The following PSMG2 variants were observed in gnomAD, a reference collection of about 807,000 sequenced individuals.
The protein encoded by PSMG2 is CD40 ligand-activated specific transcript 3.
Under a neutral mutation model 31.5 loss-of-function variants are expected in PSMG2, and 21 were observed. That is an observed-to-expected ratio of 0.67 (90% CI 0.47 to 0.96). The LOEUF is 0.96. Ranked by LOEUF, PSMG2 falls within the 40% of genes least tolerant of loss-of-function variation. The pLI is 0.00. For missense variants in PSMG2, 318 were observed against 321.2 expected (o/e 0.99, Z 0.08); for synonymous variants, 120 against 110.4 (o/e 1.09, Z -0.54).
intron 1 of PSMG2, chr18:12,664,954 C>T (rs2038775007): frequency 6.6e-6 from 1 of 152,184 alleles, no homozygotes; most frequent in Non-Finnish European, 1.5e-5. Flanking sequence ...CCACCTCAGC[C>T]TCCCAGAGTG....
chr18:12,707,464 T>G (rs560128150), intron 2 of PSMG2, among the ~76,000 whole-genome samples: 3 of 151,614 alleles, frequency 2.0e-5, no homozygotes, highest in Admixed American at 6.6e-5. Flanking sequence ...CGTAGTCATC[T>G]TCTTCCATTA....
chr18:12,699,326 AAG>A (rs1352162270), upstream of PSMG2: 20 of 652,962 alleles, frequency 3.1e-5, no homozygotes, highest in African/African-American at 5.5e-5. Flanking sequence ...AAAAAAGCAA[AAG>A]AGTAACAAAT....
chr18:12,719,486 C>T lies in PSMG2; in HGVS notation c.407+851C>T, dbSNP rs150170072. Reference sequence around the variant, plus strand: ...CACTGCAACCTCCACCTCCTGGATTCAAGCGATTCTCCTGCCTCAGCCTCC... The same window carrying T: ...CACTGCAACCTCCACCTCCTGGATTTAAGCGATTCTCCTGCCTCAGCCTCC... On this transcript the variant is annotated intron_variant, in intron 4 of 6. Coordinates refer to ENST00000317615, the MANE Select transcript of PSMG2 (RefSeq NM_020232.5). 9.1e-3 allele frequency among the ~76,000 whole-genome samples: 1,385 copies of T among 151,754 alleles called. 30 individuals carry two copies. Among genetic ancestry groups the T allele is most frequent in the African/African-American group, 0.031 (1,279 of 41,342 alleles).
intron 1 of PSMG2, among the ~76,000 whole-genome samples, chr18:12,694,734 T>TG (rs35560139): frequency 0.088 from 13,393 of 151,464 alleles, 827 homozygotes; most frequent in Non-Finnish European, 0.13. Flanking sequence ...TTTTTTGAGA[T>TG]GGAGTCTTGC....
chr18:12,715,515 T>C (rs2040368195), intron 3 of PSMG2, among the ~76,000 whole-genome samples: 1 of 152,048 alleles, frequency 6.6e-6, no homozygotes, highest in Non-Finnish European at 1.5e-5. Flanking sequence ...ATTTTAACTT[T>C]TCTTTTTGAG....
At chr18:12,675,939 G>C (rs1433486626) in intron 1 of PSMG2, among the ~76,000 whole-genome samples, 1 of 152,020 alleles carries the variant, frequency 6.6e-6, no homozygotes, top group Non-Finnish European at 1.5e-5. Flanking sequence ...AAAGTGCTGG[G>C]ATTACAGGCA....
At chr18:12,704,259 G>A (rs2040236782) in intron 1 of PSMG2, among the ~76,000 whole-genome samples, 1 of 152,126 alleles carries the variant, frequency 6.6e-6, no homozygotes, top group South Asian at 2.1e-4. Flanking sequence ...TAGAAAACAA[G>A]TTAAAGATTT....
At chr18:12,673,568 A>G (rs957005197) in intron 1 of PSMG2, 1 of 1,303,626 alleles carries the variant, frequency 7.7e-7, no homozygotes, top group Non-Finnish European at 1.1e-6. Flanking sequence ...CTTATTTGCA[A>G]GTAAATCAGT....
chr18:12,674,451 A>C, intron 1 of PSMG2: 1 of 1,026,968 alleles, frequency 9.7e-7, no homozygotes, highest in Non-Finnish European at 1.4e-6. Context: ...TAAAAAAAAA[A>C]AAAAAAGGAA....
At chr18:12,708,547 A>G (rs1246710282) in intron 2 of PSMG2, among the ~76,000 whole-genome samples, 1 of 148,896 alleles carries the variant, frequency 6.7e-6, no homozygotes, top group African/African-American at 2.5e-5. Context: ...TATTTTTAGT[A>G]GAGACGGAGT....
chr18:12,699,101 C>T (rs199598581), upstream of PSMG2: 130 of 1,613,912 alleles, frequency 8.1e-5, no homozygotes, highest in South Asian at 4.3e-4. Flanking sequence ...AAACGTTGAA[C>T]AAACTTGTCC....
At chr18:12,660,359 G>A (rs2038671606) in intron 1 of PSMG2, among the ~76,000 whole-genome samples, 2 of 145,494 alleles carry the variant, frequency 1.4e-5, no homozygotes, top group African/African-American at 5.1e-5. Flanking sequence ...GTCTCACCCT[G>A]TCTCCCAGGC....
chr18:12,675,248 G>C (rs897967237), intron 1 of PSMG2, among the ~76,000 whole-genome samples: 1 of 151,918 alleles, frequency 6.6e-6, no homozygotes, highest in African/African-American at 2.4e-5. Context: ...TACAAAAAAT[G>C]AGTTGGGCGT....
intron 1 of PSMG2, among the ~76,000 whole-genome samples, chr18:12,666,464 G>C (rs2038805793): frequency 7.6e-6 from 1 of 131,406 alleles, no homozygotes; most frequent in Non-Finnish European, 1.6e-5. Flanking sequence ...TTGTGAGGTA[G>C]GGTCTCCCTC....
intron 2 of PSMG2, among the ~76,000 whole-genome samples, chr18:12,708,846 C>T (rs1353263908): frequency 6.8e-6 from 1 of 147,790 alleles, no homozygotes; most frequent in Non-Finnish European, 1.5e-5. Flanking sequence ...GCTGGGATTA[C>T]AGGTGCCCAC....
Position 12,707,048 on chromosome 18 carries a change from C to T in PSMG2, c.229+327C>T, listed in dbSNP as rs183548305. Among the ~76,000 whole-genome samples the T allele has an allele frequency of 3.3e-5, 5 of 152,238 alleles. No individual in the cohort carries two copies. In the East Asian group the frequency reaches 7.7e-4, roughly 24 times the overall value. On this transcript the variant is annotated intron_variant, in intron 2 of 6. Coordinates refer to ENST00000317615, the MANE Select transcript of PSMG2 (RefSeq NM_020232.5). ...TCCGCTCACTGCAAGCTCCGCCTCC[C>T]GGGTTCACGCCATTCTCCTACCTCA... is the stretch of plus-strand genomic sequence containing the variant.
intron 1 of PSMG2, among the ~76,000 whole-genome samples, chr18:12,664,408 G>C (rs1172847634): frequency 1.3e-5 from 2 of 151,832 alleles, no homozygotes; most frequent in African/African-American, 2.4e-5. Flanking sequence ...AAATTAGCCG[G>C]GCATGGTGGC....
intron 4 of PSMG2, among the ~76,000 whole-genome samples, chr18:12,719,066 CA>C (rs2040405074): frequency 6.6e-6 from 1 of 152,072 alleles, no homozygotes; most frequent in African/African-American, 2.4e-5. Context: ...TATATGCTAC[CA>C]TTTTTTAAAA....
At chr18:12,661,273 A>C in intron 1 of PSMG2, 1 of 607,204 alleles carries the variant, frequency 1.6e-6, no homozygotes, top group Non-Finnish European at 2.1e-6. Flanking sequence ...ACGCCATTGC[A>C]CCCCAGCCTG....
Sources: gnomAD v4.1 joint callset for allele counts (sites outside exome capture counted in the v4.1 genomes callset) on GRCh38, gnomAD v4.1.1 for gene constraint, MANE v1.5 for transcripts, NCBI Gene and HGNC (gene_info 2026-07-23, HGNC 2026-07-21) for gene names.